CC2D2A: variants seen among roughly 807,000 people sequenced by gnomAD.
CC2D2A encodes the protein coiled-coil and C2 domain containing 2A.
A neutral mutation model predicts 212.9 loss-of-function variants in CC2D2A; 155 were observed. The ratio of observed to expected loss-of-function variants is 0.73; its 90% CI spans 0.64 to 0.83. The LOEUF (loss-of-function observed/expected upper bound fraction) is 0.83, where lower values mean the gene tolerates loss of function less well. Among genes scored for constraint, CC2D2A ranks in the 40% least tolerant of loss-of-function variants. CC2D2A has a pLI of 0.00. For missense variants in CC2D2A, 1,856 were observed against 1,956.2 expected, an observed-to-expected ratio of 0.95 and a Z score of 0.97; for synonymous variants, 667 against 686.5, an observed-to-expected ratio of 0.97 and a Z score of 0.44.
intron 4 of CC2D2A, among the ~76,000 whole-genome samples, chr4:15,485,348 A>T (rs772533958): frequency 9.2e-5 from 14 of 152,214 alleles, no homozygotes; most frequent in Non-Finnish European, 1.5e-4. Context: ...CATTGTGTAT[A>T]TGCAGCATGC....
chr4:15,490,749 G>C (rs1048569327), intron 4 of CC2D2A, among the ~76,000 whole-genome samples: 2 of 152,052 alleles, frequency 1.3e-5, no homozygotes, highest in Non-Finnish European at 2.9e-5. Context: ...AAAACTAAAA[G>C]GCAGAAATGA....
chr4:15,487,177 T>G (rs1025216301), intron 4 of CC2D2A, among the ~76,000 whole-genome samples: 3 of 152,114 alleles, frequency 2.0e-5, no homozygotes, highest in Non-Finnish European at 2.9e-5. Context: ...ATTTGCAGAT[T>G]AAGTCCAATA....
chr4:15,484,292 G>C (rs576322279), intron 4 of CC2D2A, among the ~76,000 whole-genome samples: 11 of 152,282 alleles, frequency 7.2e-5, no homozygotes, highest in Admixed American at 5.9e-4. Flanking sequence ...AACAGCCAGG[G>C]GGCAAGGGCA....
At chr4:15,572,098 G>A (rs1577386728) in intron 28 of CC2D2A, among the ~76,000 whole-genome samples, 1 of 152,138 alleles carries the variant, frequency 6.6e-6, no homozygotes, top group Non-Finnish European at 1.5e-5. Context: ...CACATAACAA[G>A]TAGAAACCTG....
chr4:15,571,157 G>A (rs1720146415), intron 28 of CC2D2A, among the ~76,000 whole-genome samples: 1 of 152,272 alleles, frequency 6.6e-6, no homozygotes, highest in South Asian at 2.1e-4. Flanking sequence ...CAACAAAGGT[G>A]GAATGGATAG....
chr4:15,513,718 C>G (rs753273099), intron 8 of CC2D2A, among the ~76,000 whole-genome samples: 14 of 152,224 alleles, frequency 9.2e-5, no homozygotes, highest in Non-Finnish European at 1.8e-4. Context: ...TTGCTCACCA[C>G]GAAGCAGAGG....
At chr4:15,562,761 G>C (rs1719678175) in intron 23 of CC2D2A, among the ~76,000 whole-genome samples, 1 of 152,228 alleles carries the variant, frequency 6.6e-6, no homozygotes, top group South Asian at 2.1e-4. Flanking sequence ...TTTGCCCAAG[G>C]GCAAAGAGTG....
chr4:15,552,417 C>T (rs372436445), intron 18 of CC2D2A, among the ~76,000 whole-genome samples: 14 of 152,294 alleles, frequency 9.2e-5, no homozygotes, highest in Middle Eastern at 3.4e-3. Flanking sequence ...ACTCAAAAGT[C>T]GCCTTCATTG....
At chr4:15,598,928 G>A (rs1358335795) in intron 35 of CC2D2A, among the ~76,000 whole-genome samples, 2 of 152,160 alleles carry the variant, frequency 1.3e-5, no homozygotes, top group African/African-American at 4.8e-5. Flanking sequence ...GGGAGGCCAA[G>A]GCAGGCGGAT....
At chr4:15,470,677 CTCTCTCTCTCTCTATATATATATATATA>C (rs1327000181) in intron 1 of CC2D2A, among the ~76,000 whole-genome samples, 36 of 77,272 alleles carry the variant, frequency 4.7e-4, no homozygotes, top group Non-Finnish European at 1.9e-4. Flanking sequence ...CTCTCTCTCT[CTCTCTCTCTCTCTATATATATATATATA>C]TATATATATA....
At chr4:15,598,476 G>C (rs547503879) in intron 35 of CC2D2A, among the ~76,000 whole-genome samples, 1 of 152,052 alleles carries the variant, frequency 6.6e-6, no homozygotes, top group African/African-American at 2.4e-5. Flanking sequence ...GTAAAATCAG[G>C]ACAATATCCC....
chr4:15,506,797 G>A (rs1716278767), intron 6 of CC2D2A, among the ~76,000 whole-genome samples: 1 of 152,058 alleles, frequency 6.6e-6, no homozygotes, highest in Non-Finnish European at 1.5e-5. Flanking sequence ...TCCTAGGCCG[G>A]GTGCGGTGGC....
chr4:15,596,077 T>C lies in CC2D2A; in HGVS notation c.4315-8T>C, dbSNP rs370982819. 5.2e-6 allele frequency: 8 copies of C among 1,542,146 alleles called. No homozygotes were observed. Among genetic ancestry groups the C allele is most frequent in the Non-Finnish European group, 7.0e-6 (8 of 1,141,066 alleles). ...ACATATATGCTAATGTAGTCTTGTC[T>C]TTCTTAGATTTGGTTTAATATTCAA... On this transcript the variant is annotated splice_region_variant and splice_polypyrimidine_tract_variant and intron_variant, in intron 33 of 36. Transcript: ENST00000424120.
chr4:15,481,190 C>T (rs780424617), intron 4 of CC2D2A: 4 of 457,276 alleles, frequency 8.7e-6, no homozygotes, highest in South Asian at 6.2e-5. Context: ...GCTCTGTTCA[C>T]TCACAGGAGA....
In CC2D2A at chr4:15,502,842, G is replaced by C. The variant is rs767331450; in HGVS notation, c.357G>C (p.Leu119Phe). The C allele has an allele frequency of 1.5e-5, 24 of 1,610,822 alleles. No individual in the cohort carries two copies. The South Asian group carries it at 2.7e-4, about 18-fold the overall frequency. Residue 119 changes from leucine (L) to phenylalanine (F), a missense_variant, in exon 6 of 37, where the codon TTG becomes TTC. Leu to Phe is a conservative substitution (Grantham distance 22). This residue lies in a region of CC2D2A where 1,512 missense variants were observed against 1,579.3 expected (regional missense o/e 0.96). Coordinates refer to ENST00000424120, the MANE Select transcript of CC2D2A (RefSeq NM_001378615.1). ...QAARSKAESA[L>F]LQEIPTPRPR... ...TTTAGTCCAAAGCAGAAAGTGCATT[G>C]CTGCAGGAAATCCCCACTCCTCGGC...
At position 15,541,007 on chromosome 4, in the gene CC2D2A, C is replaced by T. The variant is rs1214512907; in HGVS notation, c.2174C>T (p.Thr725Ile). The T allele has an allele frequency of 5.8e-6, 9 of 1,546,812 alleles. No homozygotes were observed. In the East Asian group the frequency reaches 2.0e-4, roughly 34 times the overall value. The change falls in exon 17 of 37, where the codon ACA becomes ATA. Residue 725 changes from threonine to isoleucine, a missense_variant. Coordinates refer to ENST00000424120, the MANE Select transcript of CC2D2A (RefSeq NM_001378615.1). Reference sequence around the variant, plus strand: ...ATAGTCAACTGGCCGGAGAGTTTAACACTTCAGGTACACATTTTAATTATA... The same window carrying T: ...ATAGTCAACTGGCCGGAGAGTTTAATACTTCAGGTACACATTTTAATTATA... ...LQIVNWPESL[T>I]LQVYETVGHS... is the part of the protein sequence containing the mutation.
chr4:15,528,530 C>T (rs530376825), intron 12 of CC2D2A, 90 bp from the exon 13 acceptor site: 102 of 928,664 alleles, frequency 1.1e-4, no homozygotes, highest in Non-Finnish European at 1.6e-4. Flanking sequence ...CTGATGGCAC[C>T]ATTTTGCCCA....
intron 17 of CC2D2A, 76 bp from the exon 18 acceptor site, chr4:15,550,748 A>G: frequency 1.8e-6 from 2 of 1,130,116 alleles, no homozygotes; most frequent in East Asian, 2.5e-5. Context: ...AAATACTAAC[A>G]ACATGGACTG....
At chr4:15,553,061 A>T in intron 18 of CC2D2A, 97 bp from the exon 19 acceptor site, 1 of 1,101,636 alleles carries the variant, frequency 9.1e-7, no homozygotes, top group Non-Finnish European at 1.2e-6. Flanking sequence ...ACCCCCACCC[A>T]CTCCAAGTTC....
Sources: gnomAD v4.1 joint callset for allele counts (sites outside exome capture counted in the v4.1 genomes callset) on GRCh38, gnomAD v4.1.1 for gene constraint, gnomAD v4.1.1 regional missense constraint, MANE v1.5 for transcripts, NCBI Gene and HGNC (gene_info 2026-07-23, HGNC 2026-07-21) for gene names.